Variants in PTGR2 observed in about 807,000 individuals in gnomAD.
PTGR2 encodes prostaglandin reductase 2.
A neutral mutation model predicts 43.4 loss-of-function variants in PTGR2; 32 were observed. The observed-to-expected ratio is 0.74, with a 90% CI of 0.56 to 0.99. The LOEUF (loss-of-function observed/expected upper bound fraction) is 0.99. Ranked by LOEUF, PTGR2 falls within the 50% of genes least tolerant of loss-of-function variation. PTGR2 has a pLI of 0.00. For missense variants in PTGR2, 373 were observed against 420.0 expected (o/e 0.89, Z 0.98); for synonymous variants, 106 against 139.2 (o/e 0.76, Z 1.68).
intron 8 of PTGR2, 64 bp from the exon 9 acceptor site, chr14:73,882,335 G>A: frequency 3.0e-6 from 3 of 1,015,350 alleles, no homozygotes; most frequent in Non-Finnish European, 1.5e-6. Flanking sequence ...TTGTAAGTAT[G>A]GAAACTATCA....
At position 73,874,056 on chromosome 14, in the gene PTGR2, T is replaced by G; in HGVS notation, c.190T>G (p.Tyr64Asp). Residue 64 changes from tyrosine (Y) to aspartate (D), a missense_variant, in exon 4 of 10, where the codon TAT becomes GAT. Tyr to Asp is a radical substitution (Grantham distance 160). Coordinates refer to ENST00000555661, the MANE Select transcript of PTGR2 (RefSeq NM_001146154.2). ...AATGAATGAAGACACTGGCACTGAT[T>G]ATATAACACCTTGGCAGCTATCTCA... Reference protein sequence around the residue: ...CRMNEDTGTDYITPWQLSQVV... With the variant: ...CRMNEDTGTDDITPWQLSQVV... 6.2e-7 allele frequency: 1 copy of G among 1,611,968 alleles called. No individual in the cohort carries two copies. The highest frequency in any genetic ancestry group is 8.5e-7 in the Non-Finnish European group (1 of 1,179,370).
rs952368379 is a variant in PTGR2 at position 73,851,943 on chromosome 14, G to C, written c.-48G>C. 2.6e-5 allele frequency: 4 copies of C among 152,214 alleles called. No individual in the cohort carries two copies. The highest frequency in any genetic ancestry group is 2.0e-4 in the Admixed American group (3 of 15,278). The allele number at this position is 152,214 out of a possible 1,614,324, so 9.4% of individuals were successfully genotyped here. On this transcript the variant is annotated splice_region_variant and 5_prime_UTR_variant, in exon 1 of 10. Transcript: ENST00000555661. ...GATTTCGTTCACCCGGGCTCCACAG[G>C]GTCAGTGACGCGCGAGCGGCTCCCG...
intron 7 of PTGR2, among the ~76,000 whole-genome samples, chr14:73,880,758 C>G (rs554176632): frequency 6.6e-6 from 1 of 152,134 alleles, no homozygotes; most frequent in Admixed American, 6.5e-5. Flanking sequence ...GAAAAATTCA[C>G]GGTGCTATTA....
At chr14:73,874,882 A>G (rs1405952570) in intron 4 of PTGR2, among the ~76,000 whole-genome samples, 1 of 152,154 alleles carries the variant, frequency 6.6e-6, no homozygotes, top group Non-Finnish European at 1.5e-5. Flanking sequence ...GACTTTATTT[A>G]TTTAGAGACG....
intron 4 of PTGR2, 87 bp downstream of exon 4, chr14:73,874,301 G>T (rs1007834774): frequency 9.1e-7 from 1 of 1,103,632 alleles, no homozygotes; most frequent in Non-Finnish European, 1.3e-6. Context: ...TTGTAATCAG[G>T]GAAAAATAAA....
intron 3 of PTGR2, among the ~76,000 whole-genome samples, chr14:73,863,560 A>G (rs915332890): frequency 2.9e-4 from 44 of 151,802 alleles, no homozygotes; most frequent in African/African-American, 1.1e-3. Context: ...TTATTTATTT[A>G]TTTAGAGATG....
chr14:73,860,169 A>G (rs974796419), intron 2 of PTGR2, among the ~76,000 whole-genome samples: 2 of 151,932 alleles, frequency 1.3e-5, no homozygotes, highest in African/African-American at 4.8e-5. Context: ...TTTAAAAGGA[A>G]CTGTTCTGAA....
intron 3 of PTGR2, among the ~76,000 whole-genome samples, chr14:73,868,721 T>C (rs1301458440): frequency 1.3e-5 from 2 of 151,902 alleles, no homozygotes; most frequent in African/African-American, 4.8e-5. Flanking sequence ...TGTCATGTAA[T>C]ATACTCAAGG....
At chr14:73,879,415 CTT>C in intron 6 of PTGR2, 110 bp downstream of exon 6, 2 of 939,842 alleles carry the variant, frequency 2.1e-6, no homozygotes, top group Non-Finnish European at 3.3e-6. Flanking sequence ...ATTATTGTGA[CTT>C]AATGTGATGA....
At chr14:73,873,723 C>G (rs2054790207) in intron 3 of PTGR2, among the ~76,000 whole-genome samples, 2 of 152,074 alleles carry the variant, frequency 1.3e-5, no homozygotes, top group Admixed American at 1.3e-4. Context: ...CTCAGCCTCC[C>G]AAAGTGCTAG....
chr14:73,883,940 A>G (rs902285960), intron 9 of PTGR2, among the ~76,000 whole-genome samples, 161 bp from the exon 10 acceptor site: 1 of 152,184 alleles, frequency 6.6e-6, no homozygotes, highest in African/African-American at 2.4e-5. Context: ...TTTGTGTGTA[A>G]CTTTTTACTT....
chr14:73,860,500 T>C, intron 2 of PTGR2, 39 bp from the exon 3 acceptor site: 1 of 968,090 alleles, frequency 1.0e-6, no homozygotes, highest in South Asian at 1.4e-5. Context: ...TATAGCAAAG[T>C]GGCTTTTTTT....
intron 9 of PTGR2, among the ~76,000 whole-genome samples, 172 bp downstream of exon 9, chr14:73,882,610 C>T (rs8005014): frequency 0.49 from 74,272 of 151,668 alleles, 18,380 homozygotes; most frequent in South Asian, 0.61. Context: ...ACGCCATTCT[C>T]CTGCCTCAGC....
chr14:73,880,808 A>G (rs1277903855), intron 7 of PTGR2, among the ~76,000 whole-genome samples: 1 of 152,038 alleles, frequency 6.6e-6, no homozygotes, highest in Non-Finnish European at 1.5e-5. Context: ...AAAAATTATT[A>G]TTATTTGAGA....
intron 3 of PTGR2, 129 bp from the exon 4 acceptor site, chr14:73,873,894 T>C: frequency 4.9e-6 from 3 of 609,496 alleles, no homozygotes; most frequent in Non-Finnish European, 8.2e-6. Context: ...AAGTCTTGAA[T>C]GTATTTTGAG....
chr14:73,870,728 C>T (rs2054708349), intron 3 of PTGR2, among the ~76,000 whole-genome samples: 1 of 151,084 alleles, frequency 6.6e-6, no homozygotes, highest in Non-Finnish European at 1.5e-5. Context: ...TGGCCTCAAG[C>T]GATCCTCCTG....
chr14:73,856,767 GA>G (rs2054357351), intron 1 of PTGR2, among the ~76,000 whole-genome samples: 1 of 152,180 alleles, frequency 6.6e-6, no homozygotes, highest in Non-Finnish European at 1.5e-5. Context: ...TTCACACAAT[GA>G]TTAAATCACC....
intron 3 of PTGR2, chr14:73,861,462 G>C (rs1192661929): frequency 6.6e-6 from 1 of 152,142 alleles, no homozygotes; most frequent in Non-Finnish European, 1.5e-5. Flanking sequence ...GGCTCAGCTG[G>C]GCATGGTGGC....
chr14:73,856,127 T>C (rs565544308), intron 1 of PTGR2, among the ~76,000 whole-genome samples: 9 of 152,168 alleles, frequency 5.9e-5, no homozygotes, highest in Non-Finnish European at 1.0e-4. Context: ...CCTACAGTAA[T>C]GTCCTAGGCT....
Sources: allele counts gnomAD v4.1 joint callset (sites outside exome capture counted in the v4.1 genomes callset), GRCh38; gene constraint gnomAD v4.1.1; transcripts MANE v1.5; gene names NCBI Gene and HGNC (gene_info 2026-07-23, HGNC 2026-07-21).